Variants in RPH3AL observed in about 807,000 individuals in gnomAD.
RPH3AL encodes rabphilin 3A like (without C2 domains), also known as rab effector Noc2.
A neutral mutation model predicts 43.1 loss-of-function variants in RPH3AL; 38 were observed. The observed-to-expected ratio is 0.88, with a 90% CI of 0.68 to 1.15. RPH3AL has a LOEUF of 1.15. RPH3AL is among the 50% of genes most tolerant of loss of function. The pLI is 0.00. For missense variants in RPH3AL, 462 were observed against 423.2 expected (o/e 1.09, Z -0.81); for synonymous variants, 189 against 176.3 (o/e 1.07, Z -0.57).
At chr17:319,328 CA>C in intron 5 of RPH3AL, 91 bp downstream of exon 5, 1 of 1,467,820 alleles carries the variant, frequency 6.8e-7, no homozygotes, top group South Asian at 1.3e-5. Flanking sequence ...CGCAGACATA[CA>C]CACTCCTGGG....
chr17:335,473 G>C (rs563189665), intron 1 of RPH3AL, among the ~76,000 whole-genome samples: 1 of 152,100 alleles, frequency 6.6e-6, no homozygotes, highest in Non-Finnish European at 1.5e-5. Flanking sequence ...TGCACGGCCC[G>C]GCCAAGAGTG....
At chr17:335,539 AG>A (rs1248114864) in intron 1 of RPH3AL, among the ~76,000 whole-genome samples, 2 of 152,122 alleles carry the variant, frequency 1.3e-5, no homozygotes. Flanking sequence ...GGTGGTCGTG[AG>A]CCCCCACGTT....
At chr17:239,567 A>G (rs188872763) in intron 7 of RPH3AL, among the ~76,000 whole-genome samples, 15 of 152,272 alleles carry the variant, frequency 9.9e-5, no homozygotes, top group Admixed American at 7.2e-4. Context: ...GTAACTTTAT[A>G]GTAAGCTTTA....
chr17:321,496 C>G (rs776988620), intron 3 of RPH3AL, 81 bp from the exon 4 acceptor site: 23 of 1,418,418 alleles, frequency 1.6e-5, no homozygotes, highest in Non-Finnish European at 2.1e-5. Context: ...ACCAAGCCCC[C>G]CCGAGAACAG....
At chr17:266,894 G>A (rs782253556) in intron 6 of RPH3AL, among the ~76,000 whole-genome samples, 6 of 152,226 alleles carry the variant, frequency 3.9e-5, no homozygotes, top group Non-Finnish European at 8.8e-5. Context: ...GGGAGGTGTT[G>A]CCCAACGCTG....
rs908442690 is a variant in RPH3AL, at chr17:245,232, T to C, written c.613+1879A>G. ...GTGTGTGTCCATGTGGATGTGTGTG[T>C]GCGTGTGGATGAGAGCATGTGTGTG... is the stretch of plus-strand genomic sequence containing the variant. On this transcript the variant is annotated intron_variant, in intron 7 of 9. Transcript: ENST00000331302. This position sits in a 1 kb window ranked among gnomAD's most constrained non-coding sequence, Gnocchi z 5.9. Among the ~76,000 whole-genome samples, 2 of 151,160 alleles carry C rather than the reference T, an allele frequency of 1.3e-5. No homozygotes were observed. Among genetic ancestry groups the C allele is most frequent in the Non-Finnish European group, 2.9e-5 (2 of 67,838 alleles).
intron 5 of RPH3AL, among the ~76,000 whole-genome samples, chr17:304,024 A>G (rs113071913): frequency 0.054 from 20 of 370 alleles, no homozygotes; most frequent in Non-Finnish European, 0.049. Context: ...CAGGAAAGAG[A>G]TGGGGAGGGA....
At chr17:284,042 C>G (rs1598010390) in intron 5 of RPH3AL, among the ~76,000 whole-genome samples, 1 of 152,182 alleles carries the variant, frequency 6.6e-6, no homozygotes, top group East Asian at 1.9e-4. Context: ...GTGTGGCCCT[C>G]AGAGACGTGA....
chr17:218,420 G>T (rs2040865952), intron 8 of RPH3AL, among the ~76,000 whole-genome samples: 1 of 148,380 alleles, frequency 6.7e-6, no homozygotes, highest in East Asian at 2.0e-4. Context: ...TCCCATCTGG[G>T]GCAGTTATTA....
intron 5 of RPH3AL, 129 bp from the exon 6 acceptor site, chr17:281,983 A>T: frequency 1.4e-6 from 1 of 710,526 alleles, no homozygotes; most frequent in Non-Finnish European, 2.5e-6. Flanking sequence ...GGATAGAAGG[A>T]ATCAATCACC....
At chr17:273,703 T>C (rs983058573) in intron 6 of RPH3AL, among the ~76,000 whole-genome samples, 3 of 152,210 alleles carry the variant, frequency 2.0e-5, no homozygotes, top group African/African-American at 7.2e-5. Context: ...TCTTTGCAAA[T>C]TTCTCTTTCA....
At chr17:350,338 G>T (rs556759884) in intron 1 of RPH3AL, among the ~76,000 whole-genome samples, 1 of 152,146 alleles carries the variant, frequency 6.6e-6, no homozygotes, top group Non-Finnish European at 1.5e-5. Flanking sequence ...TTATCTGGAC[G>T]TGGTGGCACG....
chr17:343,978 T>TATTATTAAAAATAAATA (rs1567540413), intron 1 of RPH3AL, among the ~76,000 whole-genome samples: 4 of 40,524 alleles, frequency 9.9e-5, no homozygotes, highest in East Asian at 1.1e-3. Context: ...TCATCATCAT[T>TATTATTAAAAATAAATA]ACCATCACCA....
In RPH3AL at chr17:331,321, C is replaced by T. The variant is rs9911914; in HGVS notation, c.-37+2438G>A. The T allele has an allele frequency of 1.7e-3, 146 of 84,938 alleles. 3 individuals are homozygous for T. The East Asian group carries it at 0.044, about 26-fold the overall frequency. 5.3% of individuals were successfully genotyped at this position (84,938 alleles called of 1,614,324 possible). A position where few individuals can be genotyped will look rare whatever the true frequency, so the allele number is the denominator to read the frequency against. On this transcript the variant is annotated intron_variant, in intron 2 of 9. Transcript: ENST00000331302. Reference sequence around the variant, plus strand: ...CAAATGCTGCAGAGATCAAGGGAGACGGAAGGATGTCGCCTCCAGAGCTGG... The same window carrying T: ...CAAATGCTGCAGAGATCAAGGGAGATGGAAGGATGTCGCCTCCAGAGCTGG...
intron 6 of RPH3AL, among the ~76,000 whole-genome samples, chr17:261,133 A>C (rs188940469): frequency 2.6e-5 from 4 of 152,270 alleles, no homozygotes; most frequent in South Asian, 2.1e-4. Context: ...CACCCATCCA[A>C]ATTGCAAGGC....
intron 5 of RPH3AL, among the ~76,000 whole-genome samples, chr17:304,567 A>C (rs1369325872): frequency 6.6e-6 from 1 of 152,150 alleles, no homozygotes; most frequent in Non-Finnish European, 1.5e-5. Context: ...GAAGGAAGTC[A>C]GGCCCCTTCT....
At chr17:298,226 C>T (rs548716374) in intron 5 of RPH3AL, among the ~76,000 whole-genome samples, 29 of 152,350 alleles carry the variant, frequency 1.9e-4, no homozygotes, top group Non-Finnish European at 3.8e-4. Context: ...GCTCTGCCCC[C>T]ACCAGCTCAG....
At chr17:248,089 G>A (rs1183240311) in intron 6 of RPH3AL, among the ~76,000 whole-genome samples, 1 of 152,118 alleles carries the variant, frequency 6.6e-6, no homozygotes, top group African/African-American at 2.4e-5. Flanking sequence ...GAGCTGCATG[G>A]GATGGACTCT....
At chr17:299,919 C>T (rs1254876481) in intron 5 of RPH3AL, among the ~76,000 whole-genome samples, 2 of 152,248 alleles carry the variant, frequency 1.3e-5, no homozygotes, top group Non-Finnish European at 1.5e-5. Flanking sequence ...AGAAGGAGTC[C>T]CTGCAGGACA....
Sources: gnomAD v4.1 joint callset for allele counts (sites outside exome capture counted in the v4.1 genomes callset) on GRCh38, gnomAD v4.1.1 for gene constraint, Gnocchi (gnomAD v3.1) non-coding constraint, MANE v1.5 for transcripts, NCBI Gene and HGNC (gene_info 2026-07-23, HGNC 2026-07-21) for gene names.